The following GALNT14 variants were observed in gnomAD, a reference collection of about 807,000 sequenced individuals.
The protein encoded by GALNT14 is UDP-GalNAc:polypeptide N-acetylgalactosaminyltransferase 14.
In GALNT14, 60 loss-of-function variants were observed where a neutral mutation model predicts 77.5. The observed-to-expected ratio is 0.77, with a 90% CI of 0.63 to 0.96. The LOEUF (loss-of-function observed/expected upper bound fraction) is 0.96, where lower values mean the gene tolerates loss of function less well. Ranked by LOEUF, GALNT14 falls within the 40% of genes least tolerant of loss-of-function variation. The pLI, the probability that GALNT14 is intolerant of heterozygous loss-of-function variation, is 0.00. For missense variants in GALNT14, 710 were observed against 731.0 expected (o/e 0.97, Z 0.33); for synonymous variants, 280 against 281.7 (o/e 0.99, Z 0.06).
chr2:30,904,123 G>A, the GALNT14 span, among the ~76,000 whole-genome samples: 1 of 152,208 alleles, frequency 6.6e-6, no homozygotes, highest in Non-Finnish European at 1.5e-5. Flanking sequence ...GATCTCCACA[G>A]GGAGCCTACA....
In GALNT14 at chr2:31,038,084, ATTTTT is replaced by A. The variant is rs1196402402; in HGVS notation, c.130-45082_130-45078del. Reference sequence around the variant, plus strand: ...ATTTGCCATATATATATATATATATATTTTTTTTTTTTTTTTTTTTTTTTTTTTTA... The same window carrying A: ...ATTTGCCATATATATATATATATATATTTTTTTTTTTTTTTTTTTTTTTTA... On this transcript the variant is annotated intron_variant, in intron 1 of 14. Coordinates refer to ENST00000349752, the MANE Select transcript of GALNT14 (RefSeq NM_024572.4). 1.6e-3 allele frequency among the ~76,000 whole-genome samples: 83 copies of A among 52,634 alleles called. 1 individual carries two copies. The East Asian group carries it at 0.02, about 13-fold the overall frequency. The allele number at this position is 52,634 out of a possible 152,430, so 34.5% of individuals were successfully genotyped here. A position where few individuals can be genotyped will look rare whatever the true frequency, so the allele number is the denominator to read the frequency against.
At chr2:30,982,520 G>C (rs1407519122) in intron 2 of GALNT14, among the ~76,000 whole-genome samples, 1 of 152,218 alleles carries the variant, frequency 6.6e-6, no homozygotes, top group Non-Finnish European at 1.5e-5. Flanking sequence ...ATGTGGCTGA[G>C]TTTCATGCAC....
intron 1 of GALNT14, among the ~76,000 whole-genome samples, chr2:31,069,288 G>A (rs1675193157): frequency 6.6e-6 from 1 of 152,172 alleles, no homozygotes; most frequent in African/African-American, 2.4e-5. Flanking sequence ...TTTACCACAA[G>A]GCCACTTAAG....
intron 1 of GALNT14, among the ~76,000 whole-genome samples, chr2:31,075,591 G>C (rs1675723253): frequency 6.6e-6 from 1 of 152,204 alleles, no homozygotes; most frequent in Non-Finnish European, 1.5e-5. Context: ...GGCTCAGCTG[G>C]CCTACGCCCA....
At chr2:31,111,662 G>A (rs1451633253) in intron 1 of GALNT14, among the ~76,000 whole-genome samples, 1 of 152,176 alleles carries the variant, frequency 6.6e-6, no homozygotes, top group African/African-American at 2.4e-5. Context: ...ATGACAGTCT[G>A]ACATGCATCA....
intron 1 of GALNT14, among the ~76,000 whole-genome samples, chr2:31,026,295 C>T (rs755498645): frequency 3.6e-4 from 55 of 152,230 alleles, no homozygotes; most frequent in Non-Finnish European, 1.5e-4. Flanking sequence ...AGAAGCTTTA[C>T]TCTTCCCACA....
intron 6 of GALNT14, among the ~76,000 whole-genome samples, chr2:30,953,969 C>A (rs1301574250): frequency 2.6e-5 from 4 of 152,184 alleles, no homozygotes; most frequent in African/African-American, 9.7e-5. Context: ...GGTGCCCCCA[C>A]TGGATTTGTA....
chr2:30,932,664 A>C (rs1459419552), intron 9 of GALNT14, among the ~76,000 whole-genome samples: 2 of 152,248 alleles, frequency 1.3e-5, no homozygotes, highest in African/African-American at 4.8e-5. Flanking sequence ...AATCAGGGAC[A>C]AGGTGACCAT....
At chr2:31,029,079 C>G (rs1672250631) in intron 1 of GALNT14, among the ~76,000 whole-genome samples, 1 of 152,146 alleles carries the variant, frequency 6.6e-6, no homozygotes, top group African/African-American at 2.4e-5. Flanking sequence ...CCAACAAGAA[C>G]TCTAACGCGT....
chr2:31,056,234 C>T (rs896705521), intron 1 of GALNT14, among the ~76,000 whole-genome samples: 2 of 152,150 alleles, frequency 1.3e-5, no homozygotes, highest in Non-Finnish European at 2.9e-5. Flanking sequence ...ATGAGTGGGT[C>T]CCACTTTGAG....
chr2:31,133,121 A>G (rs1414925777), intron 1 of GALNT14, among the ~76,000 whole-genome samples: 4 of 152,090 alleles, frequency 2.6e-5, no homozygotes, highest in Non-Finnish European at 1.5e-5. Context: ...CTTAAAAAAA[A>G]ACCCAGTCTC....
the GALNT14 span, among the ~76,000 whole-genome samples, chr2:30,900,724 CA>C: frequency 6.6e-6 from 1 of 152,082 alleles, no homozygotes; most frequent in Non-Finnish European, 1.5e-5. Context: ...GGAGAAATTC[CA>C]GATTCTAAAA....
At chr2:30,959,105 C>T (rs1192429442) in intron 3 of GALNT14, among the ~76,000 whole-genome samples, 3 of 152,164 alleles carry the variant, frequency 2.0e-5, no homozygotes, top group Non-Finnish European at 2.9e-5. Flanking sequence ...AGCCTCTCTC[C>T]TGCTGCTGCC....
At chr2:31,000,336 G>T (rs1435113643) in intron 1 of GALNT14, among the ~76,000 whole-genome samples, 15 of 152,018 alleles carry the variant, frequency 9.9e-5, no homozygotes, top group Admixed American at 6.6e-4. Flanking sequence ...CTTGTCTCAG[G>T]TCATGAAATT....
chr2:31,074,401 TG>T (rs1675620710), intron 1 of GALNT14, among the ~76,000 whole-genome samples: 1 of 102,658 alleles, frequency 9.7e-6, no homozygotes, highest in Admixed American at 1.0e-4. Context: ...CGTGCATCTT[TG>T]GGGGATTTTT....
At position 30,989,575 on chromosome 2, in the gene GALNT14, TATATATAAAA is replaced by T. The variant is rs1376475457; in HGVS notation, c.299+3253_299+3262del. ...GGTAAATACCTTATATATATATATA[TATATATAAAA>T]ATATATATATTAGTAGATATATAAA... On this transcript the variant is annotated intron_variant, in intron 2 of 14. Coordinates refer to ENST00000349752, the MANE Select transcript of GALNT14 (RefSeq NM_024572.4). Among the ~76,000 whole-genome samples the T allele has an allele frequency of 6.3e-5, 8 of 127,852 alleles. 2 individuals are homozygous for T. The highest frequency in any genetic ancestry group is 2.4e-4 in the African/African-American group (7 of 28,918). The allele number at this position is 127,852 out of a possible 152,430, so 83.9% of individuals were successfully genotyped here.
At chr2:30,902,418 T>C in the GALNT14 span, among the ~76,000 whole-genome samples, 1 of 152,108 alleles carries the variant, frequency 6.6e-6, no homozygotes, top group Non-Finnish European at 1.5e-5. Context: ...ATGAGAACCA[T>C]CCCATCTCCT....
At chr2:30,932,295 G>A (rs1572988441) in intron 9 of GALNT14, 101 bp from the exon 10 acceptor site, 1 of 1,156,808 alleles carries the variant, frequency 8.6e-7, no homozygotes, top group African/African-American at 1.6e-5. Context: ...AGAGGCGAAA[G>A]AACAGACTCT....
chr2:30,925,497 A>G (rs1665318211), intron 11 of GALNT14, among the ~76,000 whole-genome samples: 2 of 152,328 alleles, frequency 1.3e-5, no homozygotes, highest in Non-Finnish European at 2.9e-5. Flanking sequence ...TGATGCTGGT[A>G]TCTGGAAGGA....
Sources: allele counts gnomAD v4.1 joint callset (sites outside exome capture counted in the v4.1 genomes callset), GRCh38; gene constraint gnomAD v4.1.1; transcripts MANE v1.5; gene names NCBI Gene and HGNC (gene_info 2026-07-23, HGNC 2026-07-21).